The following NAP1L1 variants were observed in gnomAD, a reference collection of about 807,000 sequenced individuals.
NAP1L1 encodes the protein nucleosome assembly protein 1 like 1, also known as nucleosome assembly protein 1-like 1.
In NAP1L1, 9 loss-of-function variants were observed where a neutral mutation model predicts 58.9. The ratio of observed to expected loss-of-function variants is 0.15; its 90% CI spans 0.09 to 0.27. The LOEUF (loss-of-function observed/expected upper bound fraction) is 0.27, where lower values mean the gene tolerates loss of function less well. Ranked by LOEUF, NAP1L1 falls within the 10% of genes least tolerant of loss-of-function variation. The probability of loss-of-function intolerance (pLI) is 1.00; values close to 1 mark genes in which losing one functional copy is unlikely to be tolerated. For synonymous variants in NAP1L1, 130 were observed against 138.3 expected (o/e 0.94, Z 0.42); for missense variants, 302 against 458.8 (o/e 0.66, Z 3.12).
rs1948568230 is a variant in NAP1L1, at chr12:76,043,320, G to A, written c.*5109C>T. 1 of 152,048 alleles carries A rather than the reference G, an allele frequency of 6.6e-6. No homozygotes were observed. The highest frequency in any genetic ancestry group is 1.5e-5 in the Non-Finnish European group (1 of 68,030). 9.4% of individuals were successfully genotyped at this position (152,048 alleles called of 1,614,324 possible). A position where few individuals can be genotyped will look rare whatever the true frequency, so the allele number is the denominator to read the frequency against. On this transcript the variant is annotated 3_prime_UTR_variant, in exon 15 of 15. Coordinates refer to ENST00000618691, the MANE Select transcript of NAP1L1 (RefSeq NM_004537.7). ...AAGATGGGTGGATTACCTGAGTCCA[G>A]GAGTTCGAAACCAGCCTGGCCAACA...
intron 6 of NAP1L1, chr12:76,057,450 G>A (rs1285002067): frequency 6.8e-5 from 41 of 600,238 alleles, no homozygotes; most frequent in South Asian, 3.9e-4. Flanking sequence ...GGCCCTGGCC[G>A]GGGAAACGAG....
At chr12:76,078,994 TACACAC>T (rs756057648) in intron 1 of NAP1L1, among the ~76,000 whole-genome samples, 7 of 151,308 alleles carry the variant, frequency 4.6e-5, no homozygotes, top group African/African-American at 1.5e-4. Context: ...TATATATATA[TACACAC>T]ACACACACAC....
intron 1 of NAP1L1, among the ~76,000 whole-genome samples, chr12:76,078,008 G>C (rs973699076): frequency 2.0e-5 from 2 of 101,480 alleles, no homozygotes; most frequent in African/African-American, 7.1e-5. Flanking sequence ...AAAAGGAAAA[G>C]AATTAAAAGT....
At chr12:76,048,506 T>G (rs1419045047) in intron 14 of NAP1L1, 42 bp from the exon 15 acceptor site, 1 of 1,606,592 alleles carries the variant, frequency 6.2e-7, no homozygotes, top group Non-Finnish European at 8.5e-7. Flanking sequence ...TTCTTCTACC[T>G]GCTTCAGTGA....
chr12:76,080,682 T>C (rs1439250177), intron 1 of NAP1L1, among the ~76,000 whole-genome samples: 1 of 152,194 alleles, frequency 6.6e-6, no homozygotes, highest in Admixed American at 6.5e-5. Context: ...TATACAGCTT[T>C]TCCCTAGAGC....
rs1424701554 is a variant in NAP1L1, at chr12:76,067,439, A to C, written c.138T>G (p.Pro46=). 4.4e-6 allele frequency: 7 copies of C among 1,608,622 alleles called. No individual in the cohort carries two copies. The highest frequency in any genetic ancestry group is 5.9e-6 in the Non-Finnish European group (7 of 1,176,860). ...RQLTVQMMQN[P]QILAALQERL... is the part of the protein sequence containing the mutation. ...TTTCTTGAAGGGCTGCAAGAATCTG[A>C]GGATTTTGCATCATCTGAACAGTTA... The change falls in exon 4 of 15, where the codon CCT becomes CCG. Residue 46 remains proline, a synonymous_variant. Coordinates refer to ENST00000618691, the MANE Select transcript of NAP1L1 (RefSeq NM_004537.7).
rs983362809 is a variant in NAP1L1 at position 76,044,080 on chromosome 12, T to G, written c.*4349A>C. 3.9e-5 allele frequency: 6 copies of G among 152,166 alleles called. No individual in the cohort carries two copies. The highest frequency in any genetic ancestry group is 3.9e-4 in the Admixed American group (6 of 15,268). 9.4% of individuals were successfully genotyped at this position (152,166 alleles called of 1,614,324 possible). ...ACTTTGAGAGGCTGAGGTGGGAGGA[T>G]CACTGGAGGTCAGGAGGTCGAGACC... On this transcript the variant is annotated 3_prime_UTR_variant, in exon 15 of 15. Transcript: ENST00000618691.
chr12:76,068,777 CACTA>C (rs1949809462), intron 3 of NAP1L1, 128 bp downstream of exon 3: 1 of 646,708 alleles, frequency 1.5e-6, no homozygotes. Flanking sequence ...CACACACACA[CACTA>C]GAAGTATGGA....
intron 7 of NAP1L1, 82 bp downstream of exon 7, chr12:76,055,951 T>G: frequency 7.1e-7 from 1 of 1,407,716 alleles, no homozygotes; most frequent in Non-Finnish European, 9.9e-7. Flanking sequence ...AGATCAACAC[T>G]GAAGAGAACA....
chr12:76,069,725 C>CT lies in NAP1L1; in HGVS notation c.18-732dup, dbSNP rs1383110821. ...GAGGTGAGAAAGAATAAAGTGAAGA[C>CT]TTCTGAGTCTAGCTCTTGTTTAGAA... On this transcript the variant is annotated intron_variant, in intron 2 of 14. Coordinates refer to ENST00000618691, the MANE Select transcript of NAP1L1 (RefSeq NM_004537.7). 1.2e-4 allele frequency among the ~76,000 whole-genome samples: 19 copies of CT among 152,126 alleles called. No individual in the cohort carries two copies. In the South Asian group the frequency reaches 3.9e-3, roughly 32 times the overall value.
chr12:76,074,323 C>A, intron 1 of NAP1L1, 84 bp from the exon 2 acceptor site: 1 of 1,407,990 alleles, frequency 7.1e-7, no homozygotes. Flanking sequence ...TAAATCAATA[C>A]CATACTGAAA....
chr12:76,080,748 T>C (rs952713092), intron 1 of NAP1L1, among the ~76,000 whole-genome samples: 1 of 152,190 alleles, frequency 6.6e-6, no homozygotes, highest in Non-Finnish European at 1.5e-5. Flanking sequence ...GGTTTGAGTA[T>C]TTGTCCCCTC....
intron 4 of NAP1L1, 106 bp from the exon 5 acceptor site, chr12:76,060,385 T>C (rs1197089620): frequency 9.1e-7 from 1 of 1,099,614 alleles, no homozygotes; most frequent in Non-Finnish European, 1.3e-6. Flanking sequence ...ACAGGTTTTT[T>C]ATCTGAAGCA....
intron 4 of NAP1L1, among the ~76,000 whole-genome samples, chr12:76,064,586 A>C (rs768580070): frequency 7.2e-5 from 11 of 152,186 alleles, no homozygotes. Context: ...CAGTATGGAA[A>C]AGGAAAACCA....
intron 4 of NAP1L1, among the ~76,000 whole-genome samples, chr12:76,063,294 T>C (rs1949502673): frequency 6.6e-6 from 1 of 152,028 alleles, no homozygotes; most frequent in African/African-American, 2.4e-5. Flanking sequence ...CAGGGGTAAA[T>C]AAACTTAGAT....
At chr12:76,049,603 C>T (rs975125414) in intron 13 of NAP1L1, 153 bp downstream of exon 13, 2 of 1,506,780 alleles carry the variant, frequency 1.3e-6, no homozygotes, top group African/African-American at 1.4e-5. Flanking sequence ...CTTATACATA[C>T]ATTGTTTGGC....
chr12:76,049,038 G>A (rs1948703146), intron 14 of NAP1L1, 162 bp downstream of exon 14: 1 of 648,126 alleles, frequency 1.5e-6, no homozygotes, highest in African/African-American at 1.8e-5. Context: ...CTGAAATTAT[G>A]TGTACTGTTC....
At chr12:76,080,650 A>T (rs1950366826) in intron 1 of NAP1L1, among the ~76,000 whole-genome samples, 1 of 152,242 alleles carries the variant, frequency 6.6e-6, no homozygotes, top group South Asian at 2.1e-4. Context: ...ATGCTGGAAG[A>T]AGACTTCATG....
intron 5 of NAP1L1, 123 bp from the exon 6 acceptor site, chr12:76,060,001 T>C (rs1317746941): frequency 6.8e-6 from 8 of 1,179,220 alleles, no homozygotes; most frequent in African/African-American, 4.6e-5. Flanking sequence ...ACTGCTATTA[T>C]TGATAGTTCC....
Sources: gnomAD v4.1 joint callset for allele counts (sites outside exome capture counted in the v4.1 genomes callset) on GRCh38, gnomAD v4.1.1 for gene constraint, MANE v1.5 for transcripts, NCBI Gene and HGNC (gene_info 2026-07-23, HGNC 2026-07-21) for gene names.